Variants in CDH4 observed in about 807,000 individuals in gnomAD.
CDH4 encodes cadherin-4.
In CDH4, 33 loss-of-function variants were observed where a neutral mutation model predicts 86.0. The ratio of observed to expected loss-of-function variants is 0.38; its 90% CI spans 0.29 to 0.51. CDH4 has a LOEUF of 0.51. Among genes scored for constraint, CDH4 ranks in the 20% least tolerant of loss-of-function variants. The pLI, the probability that CDH4 is intolerant of heterozygous loss-of-function variation, is 0.86. For missense variants in CDH4, 1,114 were observed against 1,307.4 expected (o/e 0.85, Z 2.28); for synonymous variants, 555 against 549.4 (o/e 1.01, Z -0.14).
chr20:61,599,980 G>A (rs1322273543), intron 2 of CDH4: 19 of 983,774 alleles, frequency 1.9e-5, no homozygotes, highest in Non-Finnish European at 2.3e-5. Context: ...CTGCTGAGCT[G>A]AAGTGACAGG....
chr20:61,699,688 G>A lies in CDH4; in HGVS notation c.170-43875G>A, dbSNP rs565786783. On this transcript the variant is annotated intron_variant, in intron 2 of 15. Transcript: ENST00000614565. ...GTCACTGTGTCGTTAGCGTCAAAAG[G>A]AAAACAGAGCTGAAGACAAATTAGA... 8.5e-5 allele frequency among the ~76,000 whole-genome samples: 13 copies of A among 152,350 alleles called. 1 individual carries two copies. The South Asian group carries it at 2.7e-3, about 32-fold the overall frequency.
chr20:61,470,742 A>G lies in CDH4; in HGVS notation c.169+215805A>G, dbSNP rs1371561382. 2.0e-5 allele frequency among the ~76,000 whole-genome samples: 3 copies of G among 152,084 alleles called. No homozygotes were observed. In the East Asian group the frequency reaches 5.8e-4, roughly 29 times the overall value. ...CCAAGTGTTTATGAGCATTTTTCTT[A>G]ATCATGAAGGGATGTTGGTTTTTAT... On this transcript the variant is annotated intron_variant, in intron 2 of 15. Coordinates refer to ENST00000614565, the MANE Select transcript of CDH4 (RefSeq NM_001794.5).
intron 4 of CDH4, among the ~76,000 whole-genome samples, chr20:61,834,512 G>C (rs1465148515): frequency 6.6e-6 from 1 of 152,236 alleles, no homozygotes; most frequent in Non-Finnish European, 1.5e-5. Flanking sequence ...GACAGGTCCT[G>C]TTAGAGGAAA....
chr20:61,485,870 C>T (rs993031848), intron 2 of CDH4, among the ~76,000 whole-genome samples: 2 of 152,234 alleles, frequency 1.3e-5, no homozygotes, highest in Non-Finnish European at 2.9e-5. Flanking sequence ...ATTCACACGT[C>T]TACACTCCAC....
In CDH4 at chr20:61,910,435, T is replaced by G. The variant is rs765357196; in HGVS notation, c.1202T>G (p.Val401Gly). 6.2e-7 allele frequency: 1 copy of G among 1,612,736 alleles called. No individual in the cohort carries two copies. Among genetic ancestry groups the G allele is most frequent in the Non-Finnish European group, 8.5e-7 (1 of 1,179,188 alleles). The change falls in exon 9 of 16, where the codon GTC becomes GGC. Residue 401 changes from valine to glycine, a missense_variant. Transcript: ENST00000614565. Reference protein sequence around the residue: ...EFTASTFAGEVPENRVETVVA... With the variant: ...EFTASTFAGEGPENRVETVVA... ...TCCATTTTGCAGTTTGCAGGGGAGGTCCCCGAAAACCGCGTGGAGACCGTG... is the reference window on the plus strand; with the variant it reads ...TCCATTTTGCAGTTTGCAGGGGAGGGCCCCGAAAACCGCGTGGAGACCGTG...
chr20:61,434,976 TGTAAA>T (rs1600680651), intron 2 of CDH4: 1 of 152,230 alleles, frequency 6.6e-6, no homozygotes, highest in Non-Finnish European at 1.5e-5. Flanking sequence ...TCCATCATGA[TGTAAA>T]GTAGATAAAA....
intron 6 of CDH4, among the ~76,000 whole-genome samples, chr20:61,858,137 C>T (rs937369408): frequency 7.2e-6 from 1 of 138,918 alleles, no homozygotes; most frequent in Non-Finnish European, 1.6e-5. Flanking sequence ...GTGTCTGCAT[C>T]TGTGTGTGTG....
intron 2 of CDH4, among the ~76,000 whole-genome samples, chr20:61,643,819 C>G (rs779145112): frequency 3.3e-4 from 50 of 152,244 alleles, no homozygotes; most frequent in Non-Finnish European, 3.4e-4. Context: ...ATCTGAGTTC[C>G]CCTCGTCATA....
At chr20:61,817,479 C>T (rs922115685) in intron 4 of CDH4, among the ~76,000 whole-genome samples, 20 of 152,284 alleles carry the variant, frequency 1.3e-4, no homozygotes, top group South Asian at 6.2e-4. Flanking sequence ...ACACAAGACG[C>T]GGAAAGCAAC....
intron 2 of CDH4, among the ~76,000 whole-genome samples, chr20:61,636,043 G>A (rs2086943090): frequency 6.6e-6 from 1 of 152,222 alleles, no homozygotes; most frequent in African/African-American, 2.4e-5. Flanking sequence ...GCCAGCGGCT[G>A]GGCCTGCTGA....
chr20:61,859,636 C>G (rs954027777), intron 6 of CDH4, among the ~76,000 whole-genome samples: 2 of 152,220 alleles, frequency 1.3e-5, no homozygotes, highest in African/African-American at 4.8e-5. Context: ...ACTGCCCCAG[C>G]GCCATACATT....
chr20:61,478,008 G>A (rs1248390614), intron 2 of CDH4, among the ~76,000 whole-genome samples: 3 of 152,140 alleles, frequency 2.0e-5, no homozygotes, highest in Non-Finnish European at 4.4e-5. Context: ...ATATAACTTC[G>A]GTAAGATGGG....
At chr20:61,328,534 A>T (rs1035768630) in intron 2 of CDH4, among the ~76,000 whole-genome samples, 7 of 152,220 alleles carry the variant, frequency 4.6e-5, no homozygotes, top group Admixed American at 3.9e-4. Context: ...CTGTAATCTC[A>T]TCACTTTGGG....
At chr20:61,280,940 G>T (rs1476568805) in intron 2 of CDH4, among the ~76,000 whole-genome samples, 2 of 152,090 alleles carry the variant, frequency 1.3e-5, no homozygotes, top group Non-Finnish European at 2.9e-5. Context: ...TCCTCTTTAG[G>T]GTGGCTTTGC....
intron 5 of CDH4, among the ~76,000 whole-genome samples, chr20:61,848,469 T>G (rs1982561559): frequency 6.6e-6 from 1 of 152,232 alleles, no homozygotes; most frequent in Admixed American, 6.5e-5. Context: ...CCTCCCAGGC[T>G]CAAGCAATCC....
intron 2 of CDH4, among the ~76,000 whole-genome samples, chr20:61,679,642 C>T (rs561799749): frequency 6.6e-6 from 1 of 152,212 alleles, no homozygotes; most frequent in Non-Finnish European, 1.5e-5. Flanking sequence ...GGCAGGTGAG[C>T]AGCTGCGTGG....
At chr20:61,734,861 T>C (rs1162818658) in intron 2 of CDH4, among the ~76,000 whole-genome samples, 1 of 152,248 alleles carries the variant, frequency 6.6e-6, no homozygotes, top group East Asian at 1.9e-4. Flanking sequence ...CCTGGGCAGA[T>C]ATTCAAGAAC....
chr20:61,547,418 A>G (rs547661897), intron 2 of CDH4, among the ~76,000 whole-genome samples: 7 of 151,456 alleles, frequency 4.6e-5, no homozygotes, highest in East Asian at 3.9e-4. Context: ...GTTTCACTAC[A>G]TTAGCCAGGA....
chr20:61,376,307 C>G (rs1483273447), intron 2 of CDH4, among the ~76,000 whole-genome samples: 1 of 151,870 alleles, frequency 6.6e-6, no homozygotes, highest in African/African-American at 2.4e-5. Flanking sequence ...ACAAAAGTGC[C>G]TGGAATTCTG....
Sources: gnomAD v4.1 joint callset for allele counts (sites outside exome capture counted in the v4.1 genomes callset) on GRCh38, gnomAD v4.1.1 for gene constraint, MANE v1.5 for transcripts, NCBI Gene and HGNC (gene_info 2026-07-23, HGNC 2026-07-21) for gene names.